TXNDC11: variants seen among roughly 807,000 people sequenced by gnomAD.
The protein encoded by TXNDC11 is thioredoxin domain containing 11.
In TXNDC11, 68 loss-of-function variants were observed where a neutral mutation model predicts 78.0. The observed-to-expected ratio is 0.87, with a 90% CI of 0.72 to 1.07. TXNDC11 has a LOEUF of 1.07. Among genes scored for constraint, TXNDC11 ranks in the 50% least tolerant of loss-of-function variants. The pLI is 0.00. For synonymous variants in TXNDC11, 571 were observed against 495.2 expected, an observed-to-expected ratio of 1.15 and a Z score of -2.03; for missense variants, 1,389 against 1,221.8, an observed-to-expected ratio of 1.14 and a Z score of -2.04.
At position 11,707,254 on chromosome 16, in the gene TXNDC11, C is replaced by T. The variant is rs369699412; in HGVS notation, c.794-6690G>A. On this transcript the variant is annotated intron_variant, in intron 5 of 11. Transcript: ENST00000283033. ...CCAGCCTGGCCAACCTGGTGAAACC[C>T]CATCTCTACTAAAAATTAGCCAGGC... is the stretch of plus-strand genomic sequence containing the variant. Among the ~76,000 whole-genome samples, 4 of 151,936 alleles carry T rather than the reference C, an allele frequency of 2.6e-5. No individual in the cohort carries two copies. The East Asian group carries it at 5.8e-4, about 22-fold the overall frequency.
At chr16:11,731,058 GA>G (rs978419877) in intron 3 of TXNDC11, among the ~76,000 whole-genome samples, 1 of 151,102 alleles carries the variant, frequency 6.6e-6, no homozygotes, top group Non-Finnish European at 1.5e-5. Context: ...TCTTATCTCT[GA>G]AAAAAAAATT....
intron 5 of TXNDC11, among the ~76,000 whole-genome samples, chr16:11,711,366 A>G (rs2051351101): frequency 6.6e-6 from 1 of 152,194 alleles, no homozygotes; most frequent in Non-Finnish European, 1.5e-5. Context: ...TCTGGATGTC[A>G]AAAGTCCAAA....
At chr16:11,684,684 T>C (rs1384637315) in intron 10 of TXNDC11, among the ~76,000 whole-genome samples, 2 of 152,238 alleles carry the variant, frequency 1.3e-5, no homozygotes, top group East Asian at 3.8e-4. Flanking sequence ...AAACAGCCTA[T>C]TTTCTTAGCA....
At chr16:11,708,801 C>T (rs2051255453) in intron 5 of TXNDC11, among the ~76,000 whole-genome samples, 1 of 152,184 alleles carries the variant, frequency 6.6e-6, no homozygotes. Context: ...ATAGTACCTT[C>T]CATCTGTTGG....
chr16:11,716,511 G>A (rs138597722), intron 5 of TXNDC11, among the ~76,000 whole-genome samples: 5 of 152,258 alleles, frequency 3.3e-5, no homozygotes, highest in African/African-American at 1.2e-4. Context: ...ATTTCCTCCA[G>A]GCTTTTGAAA....
intron 11 of TXNDC11, among the ~76,000 whole-genome samples, chr16:11,680,577 C>T (rs2050398212): frequency 2.0e-5 from 3 of 152,200 alleles, no homozygotes; most frequent in African/African-American, 4.8e-5. Flanking sequence ...GTCATTTAAT[C>T]GTCTGATGAT....
intron 3 of TXNDC11, among the ~76,000 whole-genome samples, chr16:11,731,919 A>G: frequency 6.6e-6 from 1 of 152,212 alleles, no homozygotes; most frequent in Non-Finnish European, 1.5e-5. Flanking sequence ...AATAATTTTT[A>G]ATTTAAAGGA....
At chr16:11,710,966 T>C (rs1422250639) in intron 5 of TXNDC11, among the ~76,000 whole-genome samples, 2 of 151,048 alleles carry the variant, frequency 1.3e-5, no homozygotes, top group Admixed American at 6.6e-5. Flanking sequence ...CTATTGTCTA[T>C]TAGTGCAACA....
At chr16:11,709,726 C>T (rs1411544004) in intron 5 of TXNDC11, among the ~76,000 whole-genome samples, 4 of 152,048 alleles carry the variant, frequency 2.6e-5, no homozygotes, top group Admixed American at 6.5e-5. Flanking sequence ...TGAGCCACCG[C>T]GCCTGGCAGC....
chr16:11,679,652 A>ATC lies in TXNDC11; in HGVS notation c.2418_2419dup (p.Ile807ArgfsTer5), dbSNP rs1216090468. On this transcript the variant is annotated frameshift_variant, in exon 12 of 12. Coordinates refer to ENST00000283033, the MANE Select transcript of TXNDC11 (RefSeq NM_015914.7). LOFTEE classifies it low-confidence loss of function (END_TRUNC). The surrounding 1 kb of genome is among the most constrained non-coding windows in gnomAD (Gnocchi z 4.6). ...GCTTATTTCTGCTCTCAGTTTCTGG[A>ATC]TCTCTCTCTCCAAGTGGGAGATGTG... 1.2e-6 allele frequency: 2 copies of ATC among 1,614,042 alleles called. No homozygotes were observed. Among genetic ancestry groups the ATC allele is most frequent in the Non-Finnish European group, 1.7e-6 (2 of 1,180,010 alleles).
chr16:11,691,350 C>T lies in TXNDC11; in HGVS notation c.1840G>A (p.Val614Met), dbSNP rs543014678. 5.6e-6 allele frequency: 9 copies of T among 1,614,080 alleles called. No individual in the cohort carries two copies. In the Admixed American group the frequency reaches 1.2e-4, roughly 21 times the overall value. The change falls in exon 8 of 12, where the codon GTG becomes ATG. Residue 614 changes from valine (V) to methionine (M), a missense_variant. Coordinates refer to ENST00000283033, the MANE Select transcript of TXNDC11 (RefSeq NM_015914.7). Reference protein sequence around the residue: ...QVKEFAAIVDVKEESHYILDP... With the variant: ...QVKEFAAIVDMKEESHYILDP... Reference sequence around the variant, plus strand: ...AAGATGTAATGAGATTCTTCTTTCACGTCAACAATTGCCGCAAATTCTTTC... The same window carrying T: ...AAGATGTAATGAGATTCTTCTTTCATGTCAACAATTGCCGCAAATTCTTTC...
intron 7 of TXNDC11, among the ~76,000 whole-genome samples, chr16:11,696,731 T>G (rs1487855191): frequency 6.6e-6 from 1 of 152,184 alleles, no homozygotes; most frequent in African/African-American, 2.4e-5. Context: ...AAAGGAGGCC[T>G]GTTGGTAGGT....
intron 5 of TXNDC11, among the ~76,000 whole-genome samples, chr16:11,718,149 C>T (rs1236658456): frequency 6.6e-6 from 1 of 152,124 alleles, no homozygotes; most frequent in Non-Finnish European, 1.5e-5. Flanking sequence ...TCACAGCACA[C>T]CCTACAGCCC....
chr16:11,737,851 C>CAAAAAA (rs538318388), intron 1 of TXNDC11, among the ~76,000 whole-genome samples: 1 of 54,180 alleles, frequency 1.8e-5, no homozygotes, highest in Non-Finnish European at 3.6e-5. Context: ...CTACGTCTCT[C>CAAAAAA]AAAAAAAAAA....
At chr16:11,725,790 T>C (rs192811902) in intron 4 of TXNDC11, among the ~76,000 whole-genome samples, 1 of 152,384 alleles carries the variant, frequency 6.6e-6, no homozygotes, top group Admixed American at 6.5e-5. Context: ...GAATTTTTAG[T>C]ACTCACCCTT....
At chr16:11,726,719 T>G (rs191796041) in intron 4 of TXNDC11, among the ~76,000 whole-genome samples, 1 of 151,930 alleles carries the variant, frequency 6.6e-6, no homozygotes, top group Non-Finnish European at 1.5e-5. Context: ...TTTCTAACAA[T>G]AGAATAAGCA....
At chr16:11,705,666 C>G (rs946699643) in intron 5 of TXNDC11, among the ~76,000 whole-genome samples, 2 of 152,220 alleles carry the variant, frequency 1.3e-5, no homozygotes, top group Non-Finnish European at 2.9e-5. Flanking sequence ...TCTGCCCATA[C>G]AGAACAAATT....
Position 11,679,522 on chromosome 16 carries a change from G to T in TXNDC11, c.2550C>A (p.Ser850Arg), listed in dbSNP as rs543362633. ...QQQRALEEQHSLLHAHSEQLQ... is the reference protein window; with the variant it reads ...QQQRALEEQHRLLHAHSEQLQ... ...GCTGCTCACTGTGTGCGTGGAGCAG[G>T]CTGTGCTGCTCTTCCAGGGCCCGCT... The change falls in exon 12 of 12, where the codon AGC becomes AGA. Residue 850 changes from serine to arginine, a missense_variant. Coordinates refer to ENST00000283033, the MANE Select transcript of TXNDC11 (RefSeq NM_015914.7). The surrounding 1 kb of genome is among the most constrained non-coding windows in gnomAD (Gnocchi z 4.6). The T allele has an allele frequency of 1.1e-5, 17 of 1,613,172 alleles. No individual in the cohort carries two copies. The highest frequency in any genetic ancestry group is 1.4e-5 in the Non-Finnish European group (16 of 1,180,008).
At chr16:11,698,705 A>C (rs538344820) in intron 6 of TXNDC11, among the ~76,000 whole-genome samples, 1 of 152,344 alleles carries the variant, frequency 6.6e-6, no homozygotes, top group Admixed American at 6.5e-5. Context: ...AAGGGAACAG[A>C]AACTACAGAG....
Sources: gnomAD v4.1 joint callset for allele counts (sites outside exome capture counted in the v4.1 genomes callset) on GRCh38, gnomAD v4.1.1 for gene constraint, Gnocchi (gnomAD v3.1) non-coding constraint, MANE v1.5 for transcripts, NCBI Gene and HGNC (gene_info 2026-07-23, HGNC 2026-07-21) for gene names.